COLEC12: variants seen among roughly 807,000 people sequenced by gnomAD.
The protein encoded by COLEC12 is collectin-12.
COLEC12 carries 33 observed loss-of-function variants against 71.1 expected under a neutral mutation model. The ratio of observed to expected loss-of-function variants is 0.46; its 90% CI spans 0.35 to 0.62. COLEC12 has a LOEUF of 0.62. Ranked by LOEUF, COLEC12 falls within the 20% of genes least tolerant of loss-of-function variation. The probability of loss-of-function intolerance (pLI) is 0.00; values close to 1 mark genes in which losing one functional copy is unlikely to be tolerated. For synonymous variants in COLEC12, 350 were observed against 353.0 expected (o/e 0.99, Z 0.10); for missense variants, 765 against 916.1 (o/e 0.84, Z 2.13).
chr18:343,320 G>C (rs557354389), intron 5 of COLEC12, among the ~76,000 whole-genome samples: 3 of 152,136 alleles, frequency 2.0e-5, no homozygotes, highest in South Asian at 2.1e-4. Flanking sequence ...AGGCTCAGGT[G>C]GGGGAGGCCG....
At chr18:378,120 G>A (rs917838958) in intron 2 of COLEC12, among the ~76,000 whole-genome samples, 3 of 152,182 alleles carry the variant, frequency 2.0e-5, no homozygotes, top group Non-Finnish European at 2.9e-5. Flanking sequence ...CTGCCCAGTT[G>A]AGACTCAGTC....
chr18:345,629 G>C lies in COLEC12; in HGVS notation c.1327+666C>G, dbSNP rs991762295. Among the ~76,000 whole-genome samples the C allele has an allele frequency of 3.3e-5, 5 of 152,290 alleles. No individual in the cohort carries two copies. In the Middle Eastern group the frequency reaches 0.017, roughly 518 times the overall value. On this transcript the variant is annotated intron_variant, in intron 5 of 9. Transcript: ENST00000400256. ...ACTCATGACATGTAACTCCCTTAATGGTAGCTTTGTGACCCAAAAGACTTG... is the reference window on the plus strand; with the variant it reads ...ACTCATGACATGTAACTCCCTTAATCGTAGCTTTGTGACCCAAAAGACTTG...
At chr18:364,907 G>C (rs79683476) in intron 2 of COLEC12, among the ~76,000 whole-genome samples, 1 of 152,076 alleles carries the variant, frequency 6.6e-6, no homozygotes. Flanking sequence ...CAAAGAGGGT[G>C]AGTACCCAAG....
intron 2 of COLEC12, among the ~76,000 whole-genome samples, chr18:413,434 T>A (rs934429834): frequency 6.6e-6 from 1 of 152,190 alleles, no homozygotes; most frequent in Non-Finnish European, 1.5e-5. Context: ...TGGAAAATAG[T>A]TTGGCAGTTT....
intron 2 of COLEC12, among the ~76,000 whole-genome samples, chr18:428,040 A>C (rs944490176): frequency 7.2e-5 from 11 of 151,926 alleles, no homozygotes; most frequent in Non-Finnish European, 1.5e-4. Flanking sequence ...TGAGGCAGGC[A>C]GATCACCTGA....
intron 2 of COLEC12, among the ~76,000 whole-genome samples, chr18:446,557 T>TAAAAA (rs1314033615): frequency 8.7e-6 from 1 of 115,254 alleles, no homozygotes; most frequent in Admixed American, 9.3e-5. Context: ...AAAAAAAATT[T>TAAAAA]TTTTTTTTTT....
At chr18:431,089 C>T (rs1266535267) in intron 2 of COLEC12, among the ~76,000 whole-genome samples, 1 of 151,856 alleles carries the variant, frequency 6.6e-6, no homozygotes, top group African/African-American at 2.4e-5. Flanking sequence ...ACCTCCTGGG[C>T]TCAAGCAATC....
At chr18:332,933 A>G in intron 7 of COLEC12, 74 bp downstream of exon 7, 1 of 1,343,142 alleles carries the variant, frequency 7.4e-7, no homozygotes, top group Non-Finnish European at 1.0e-6. Flanking sequence ...TGAATCCCCA[A>G]CAAGCCTGCA....
At chr18:360,906 GTC>G (rs1721682431) in intron 2 of COLEC12, among the ~76,000 whole-genome samples, 1 of 151,970 alleles carries the variant, frequency 6.6e-6, no homozygotes, top group Admixed American at 6.6e-5. Context: ...CCACCTGTAT[GTC>G]TCAGCACCGT....
At chr18:439,176 A>G (rs1026703787) in intron 2 of COLEC12, among the ~76,000 whole-genome samples, 2 of 152,188 alleles carry the variant, frequency 1.3e-5, no homozygotes, top group Non-Finnish European at 2.9e-5. Flanking sequence ...AACTTTCACA[A>G]TGGTATATTC....
At chr18:343,499 C>A (rs771225305) in intron 5 of COLEC12, among the ~76,000 whole-genome samples, 2 of 151,982 alleles carry the variant, frequency 1.3e-5, no homozygotes, top group African/African-American at 4.8e-5. Context: ...GTGACCCCTC[C>A]CTGCTCTCTA....
chr18:418,962 G>A (rs958148369), intron 2 of COLEC12, among the ~76,000 whole-genome samples: 1 of 152,156 alleles, frequency 6.6e-6, no homozygotes, highest in Admixed American at 6.5e-5. Flanking sequence ...CTTGGGGTCT[G>A]GATCAGGACC....
chr18:383,208 A>T (rs927670284), intron 2 of COLEC12, among the ~76,000 whole-genome samples: 24 of 152,216 alleles, frequency 1.6e-4, no homozygotes, highest in African/African-American at 5.3e-4. Context: ...TGAATTTTTT[A>T]AATTAAAAAA....
At chr18:363,698 T>C (rs1914796098) in intron 2 of COLEC12, among the ~76,000 whole-genome samples, 1 of 152,348 alleles carries the variant, frequency 6.6e-6, no homozygotes, top group East Asian at 1.9e-4. Flanking sequence ...GCTTGAATGT[T>C]ACGCAATATC....
Position 346,695 on chromosome 18 carries a change from C to T in COLEC12, c.927G>A (p.Gln309=). ...GTAAGTCCTGCAGGTCTTTCAGGTT[C>T]TGCTCGTTGGCTTGAGAGATAGTGG... ...NITTISQANE[Q]NLKDLQDLHK... is the part of the protein sequence containing the mutation. Residue 309 remains glutamine (Q), a synonymous_variant, in exon 5 of 10, where the codon CAG becomes CAA. Transcript: ENST00000400256. The surrounding 1 kb of genome is among the most constrained non-coding windows in gnomAD (Gnocchi z 4.0). The T allele has an allele frequency of 6.2e-7, 1 of 1,614,218 alleles. No individual in the cohort carries two copies. Among genetic ancestry groups the T allele is most frequent in the Non-Finnish European group, 8.5e-7 (1 of 1,180,036 alleles).
intron 3 of COLEC12, among the ~76,000 whole-genome samples, chr18:354,986 A>C (rs1427366746): frequency 6.6e-6 from 1 of 152,004 alleles, no homozygotes. Flanking sequence ...GAGGTCCCTG[A>C]GCATCTGCTG....
chr18:472,678 CAAAAAAAAA>C (rs765169609), intron 2 of COLEC12, among the ~76,000 whole-genome samples: 125 of 93,630 alleles, frequency 1.3e-3, no homozygotes, highest in South Asian at 3.2e-3. Context: ...GGCCCTGTGA[CAAAAAAAAA>C]AAAAAAAAAA....
intron 5 of COLEC12, among the ~76,000 whole-genome samples, chr18:343,113 C>A (rs1007323223): frequency 6.6e-6 from 1 of 152,160 alleles, no homozygotes; most frequent in African/African-American, 2.4e-5. Flanking sequence ...TCACACCAAC[C>A]CCCTACCATG....
At chr18:485,618 T>C (rs1434079978) in intron 1 of COLEC12, among the ~76,000 whole-genome samples, 1 of 152,260 alleles carries the variant, frequency 6.6e-6, no homozygotes, top group African/African-American at 2.4e-5. Context: ...AGAGCCACAT[T>C]GGGGCCAGAG....
Sources: gnomAD v4.1 joint callset for allele counts (sites outside exome capture counted in the v4.1 genomes callset) on GRCh38, gnomAD v4.1.1 for gene constraint, Gnocchi (gnomAD v3.1) non-coding constraint, MANE v1.5 for transcripts, NCBI Gene and HGNC (gene_info 2026-07-23, HGNC 2026-07-21) for gene names.